Variants in HDAC9 observed in about 807,000 individuals in gnomAD.
The protein encoded by HDAC9 is histone deacetylase 9.
A neutral mutation model predicts 139.4 loss-of-function variants in HDAC9; 41 were observed. The ratio of observed to expected loss-of-function variants is 0.29; its 90% CI spans 0.23 to 0.38. The LOEUF is 0.38. Among genes scored for constraint, HDAC9 ranks in the 10% least tolerant of loss-of-function variants. The pLI, the probability that HDAC9 is intolerant of heterozygous loss-of-function variation, is 1.00. For synonymous variants in HDAC9, 517 were observed against 476.2 expected (o/e 1.09, Z -1.12); for missense variants, 1,147 against 1,297.0 (o/e 0.88, Z 1.78).
At chr7:18,691,181 A>G (rs994756097) in intron 12 of HDAC9, among the ~76,000 whole-genome samples, 5 of 152,088 alleles carry the variant, frequency 3.3e-5, no homozygotes, top group Admixed American at 6.6e-5. Flanking sequence ...TTCAGGAGAT[A>G]GGAGACATGG....
At chr7:18,807,994 G>C (rs1482422895) in intron 17 of HDAC9, 1 of 151,922 alleles carries the variant, frequency 6.6e-6, no homozygotes, top group Admixed American at 6.6e-5. Context: ...CTTTTTTTGT[G>C]GATGATCTAT....
At chr7:18,528,924 A>T (rs1173604929) in intron 2 of HDAC9, among the ~76,000 whole-genome samples, 1 of 152,180 alleles carries the variant, frequency 6.6e-6, no homozygotes, top group Non-Finnish European at 1.5e-5. Flanking sequence ...TAAGTAAAAA[A>T]CATGAGATAA....
At chr7:18,572,051 T>C (rs904881580) in intron 2 of HDAC9, among the ~76,000 whole-genome samples, 1 of 151,874 alleles carries the variant, frequency 6.6e-6, no homozygotes, top group Non-Finnish European at 1.5e-5. Flanking sequence ...TGGGAACACA[T>C]TTTTGAAAAA....
rs1416785355 is a variant in HDAC9, at chr7:18,835,546, A to T, written c.2546A>T (p.Asp849Val). Residue 849 changes from aspartate (D) to valine (V), a missense_variant, in exon 20 of 26, where the codon GAT becomes GTT. Asp to Val is a radical substitution (Grantham distance 152). Around this residue, in one of 7 missense-constraint regions of HDAC9, gnomAD observed 407 missense variants for 521.5 expected, o/e 0.78. Coordinates refer to ENST00000686413, the MANE Select transcript of HDAC9 (RefSeq NM_178425.4). ...SILYISLHRY[D>V]EGNFFPGSGA... Reference sequence around the variant, plus strand: ...CTGTACATTTCACTCCATCGCTATGATGAAGGGAACTTTTTCCCTGGCAGT... The same window carrying T: ...CTGTACATTTCACTCCATCGCTATGTTGAAGGGAACTTTTTCCCTGGCAGT... 6.2e-7 allele frequency: 1 copy of T among 1,613,802 alleles called. No homozygotes were observed.
At chr7:18,470,369 T>C (rs184438492) in intron 1 of HDAC9, among the ~76,000 whole-genome samples, 3 of 152,186 alleles carry the variant, frequency 2.0e-5, no homozygotes, top group Admixed American at 6.5e-5. Context: ...TACTATAATC[T>C]CTAATTTGTA....
intron 2 of HDAC9, among the ~76,000 whole-genome samples, chr7:18,238,497 C>G (rs1793974038): frequency 1.3e-5 from 2 of 152,170 alleles, no homozygotes; most frequent in African/African-American, 4.8e-5. Flanking sequence ...GTGTAGATTT[C>G]AGAAGCTTTT....
intron 1 of HDAC9, among the ~76,000 whole-genome samples, chr7:18,294,547 T>A (rs541353611): frequency 2.3e-4 from 35 of 152,070 alleles, no homozygotes; most frequent in Non-Finnish European, 4.6e-4. Flanking sequence ...TTTGCCTCTT[T>A]GAGAAAGAGA....
chr7:18,274,277 G>A (rs186713951), intron 2 of HDAC9, among the ~76,000 whole-genome samples: 465 of 152,236 alleles, frequency 3.1e-3, no homozygotes, highest in African/African-American at 0.011. Context: ...TCAAGTGGCT[G>A]GAAAATTGTC....
rs148654332 is a variant in HDAC9, at chr7:18,698,714, A to G, written c.1732-28866A>G. 9.2e-3 allele frequency among the ~76,000 whole-genome samples: 1,404 copies of G among 152,310 alleles called. 23 individuals are homozygous for G. Among genetic ancestry groups the G allele is most frequent in the African/African-American group, 0.032 (1,334 of 41,570 alleles). On this transcript the variant is annotated intron_variant, in intron 12 of 25. Coordinates refer to ENST00000686413, the MANE Select transcript of HDAC9 (RefSeq NM_178425.4). ...TGCCTTGCGGCCACTGCCCTGTCCA[A>G]TGGAAGTGACTTTTCCCAGAAAGGT...
intron 1 of HDAC9, among the ~76,000 whole-genome samples, chr7:18,405,374 G>T (rs1425529095): frequency 3.3e-5 from 5 of 152,036 alleles, no homozygotes; most frequent in Non-Finnish European, 7.4e-5. Context: ...TCCTGTTCTA[G>T]ATTGCTTTTC....
At position 18,425,815 on chromosome 7, in the gene HDAC9, T is replaced by G. The variant is rs79517025; in HGVS notation, c.-41-70447T>G. On this transcript the variant is annotated intron_variant, in intron 1 of 3. Transcript: ENST00000413509. ...GCAAGTCCCTTTAACAATATCCCTG[T>G]GATCTATGCATATAGGTGAGATCAT... Among the ~76,000 whole-genome samples, 953 of 152,346 alleles carry G rather than the reference T, an allele frequency of 6.3e-3. 9 individuals are homozygous for G. Among genetic ancestry groups the G allele is most frequent in the African/African-American group, 0.022 (917 of 41,574 alleles).
intron 17 of HDAC9, among the ~76,000 whole-genome samples, chr7:18,807,072 T>G (rs1203168602): frequency 6.6e-6 from 1 of 152,182 alleles, no homozygotes; most frequent in Admixed American, 6.5e-5. Flanking sequence ...CCAATGAAGC[T>G]TTTTGGTCCT....
intron 1 of HDAC9, among the ~76,000 whole-genome samples, chr7:18,419,686 G>A (rs11976574): frequency 0.011 from 1,743 of 152,190 alleles, 33 homozygotes; most frequent in African/African-American, 0.04. Flanking sequence ...TTTGAAGAGG[G>A]TTGGAAACCA....
At chr7:18,515,971 A>G (rs537264225) in intron 2 of HDAC9, among the ~76,000 whole-genome samples, 7 of 152,358 alleles carry the variant, frequency 4.6e-5, no homozygotes, top group African/African-American at 1.7e-4. Flanking sequence ...CTTAAAGGGA[A>G]GAAGAACTTC....
intron 2 of HDAC9, among the ~76,000 whole-genome samples, chr7:18,584,364 G>A (rs578075963): frequency 2.0e-5 from 3 of 151,922 alleles, no homozygotes; most frequent in South Asian, 4.2e-4. Flanking sequence ...TCCTGACCTC[G>A]TGATCTGCCT....
chr7:18,322,365 G>A (rs1251994281), intron 1 of HDAC9, among the ~76,000 whole-genome samples: 3 of 152,130 alleles, frequency 2.0e-5, no homozygotes, highest in African/African-American at 7.2e-5. Flanking sequence ...ATGGTTCTAA[G>A]CTATCACAGA....
rs373584211 is a variant in HDAC9, at chr7:18,757,089, G to C, written c.2044-5068G>C. 3.3e-5 allele frequency among the ~76,000 whole-genome samples: 5 copies of C among 151,978 alleles called. No homozygotes were observed. In the East Asian group the frequency reaches 7.7e-4, roughly 23 times the overall value. ...TTTATGTTTTTTTTTAAGAAAGACA[G>C]ATAGATAAAAAAATCAATAAGACCA... On this transcript the variant is annotated intron_variant, in intron 14 of 25. Coordinates refer to ENST00000686413, the MANE Select transcript of HDAC9 (RefSeq NM_178425.4).
intron 2 of HDAC9, among the ~76,000 whole-genome samples, chr7:18,575,557 A>G (rs1825722164): frequency 6.6e-6 from 1 of 152,268 alleles, no homozygotes; most frequent in Admixed American, 6.5e-5. Flanking sequence ...GTGTCAGCAC[A>G]TTGAATTTTA....
chr7:18,222,845 A>G (rs1039690900), intron 2 of HDAC9, among the ~76,000 whole-genome samples: 2 of 152,078 alleles, frequency 1.3e-5, no homozygotes, highest in African/African-American at 2.4e-5. Context: ...CCTCTTTTGT[A>G]TGTTTTTGCA....
Sources: allele counts gnomAD v4.1 joint callset (sites outside exome capture counted in the v4.1 genomes callset), GRCh38; gene constraint gnomAD v4.1.1; regional missense constraint gnomAD v4.1.1; transcripts MANE v1.5; gene names NCBI Gene and HGNC (gene_info 2026-07-23, HGNC 2026-07-21).